Variants in UBE2H observed in about 807,000 individuals in gnomAD.
UBE2H encodes the protein ubiquitin-conjugating enzyme E2 H.
UBE2H carries 3 observed loss-of-function variants against 29.0 expected under a neutral mutation model. The observed-to-expected ratio is 0.10, with a 90% CI of 0.05 to 0.27. The LOEUF (loss-of-function observed/expected upper bound fraction) is 0.27. Ranked by LOEUF, UBE2H falls within the 10% of genes least tolerant of loss-of-function variation. UBE2H has a pLI of 1.00. For synonymous variants in UBE2H, 69 were observed against 82.9 expected (o/e 0.83, Z 0.91); for missense variants, 68 against 228.2 (o/e 0.30, Z 4.52).
intron 1 of UBE2H, among the ~76,000 whole-genome samples, chr7:129,884,294 G>A (rs1167552655): frequency 2.0e-5 from 3 of 150,024 alleles, no homozygotes; most frequent in Non-Finnish European, 1.5e-5. Context: ...GCGGGTGCCT[G>A]TAGTCCCAGC....
chr7:129,857,746 G>A (rs1805731856), intron 4 of UBE2H, among the ~76,000 whole-genome samples, 183 bp from the exon 5 acceptor site: 1 of 152,210 alleles, frequency 6.6e-6, no homozygotes, highest in Non-Finnish European at 1.5e-5. Flanking sequence ...TCACCTTACA[G>A]ACTGAAAGGG....
At chr7:129,894,907 C>T (rs773627860) in intron 1 of UBE2H, among the ~76,000 whole-genome samples, 3 of 152,100 alleles carry the variant, frequency 2.0e-5, no homozygotes, top group Non-Finnish European at 2.9e-5. Flanking sequence ...TTAAAATCTG[C>T]AAACTTGGAC....
chr7:129,907,932 T>C (rs949894896), intron 1 of UBE2H, among the ~76,000 whole-genome samples: 2 of 152,150 alleles, frequency 1.3e-5, no homozygotes, highest in Non-Finnish European at 1.5e-5. Flanking sequence ...ATTATACACA[T>C]TTTTTCCCAA....
At chr7:129,939,958 C>CAA (rs368470268) in intron 1 of UBE2H, among the ~76,000 whole-genome samples, 1 of 134,418 alleles carries the variant, frequency 7.4e-6, no homozygotes, top group African/African-American at 2.8e-5. Flanking sequence ...GACTCCATCT[C>CAA]AAAAAAAAAA....
chr7:129,944,752 GCA>G (rs1339923145), intron 1 of UBE2H, among the ~76,000 whole-genome samples: 1 of 80,434 alleles, frequency 1.2e-5, no homozygotes, highest in African/African-American at 3.5e-5. Context: ...ACACACACAC[GCA>G]CGCACGCACG....
intron 3 of UBE2H, among the ~76,000 whole-genome samples, chr7:129,875,380 A>T (rs529072389): frequency 6.6e-6 from 1 of 152,344 alleles, no homozygotes; most frequent in Admixed American, 6.5e-5. Flanking sequence ...TCACTTAGCT[A>T]CTTTATCACC....
intron 1 of UBE2H, among the ~76,000 whole-genome samples, chr7:129,918,588 C>T (rs996644600): frequency 6.6e-6 from 1 of 152,020 alleles, no homozygotes; most frequent in South Asian, 2.1e-4. Context: ...AAGTGCCCGG[C>T]CCCAAAATCC....
At chr7:129,927,045 T>C (rs906894892) in intron 1 of UBE2H, among the ~76,000 whole-genome samples, 1 of 152,208 alleles carries the variant, frequency 6.6e-6, no homozygotes, top group African/African-American at 2.4e-5. Flanking sequence ...CCTTCTCTGA[T>C]AGACTCAACT....
intron 1 of UBE2H, among the ~76,000 whole-genome samples, chr7:129,881,280 C>G (rs938533496): frequency 2.6e-5 from 4 of 152,144 alleles, no homozygotes; most frequent in Non-Finnish European, 5.9e-5. Context: ...GGGAAAACAG[C>G]ATTTCATAGG....
intron 1 of UBE2H, among the ~76,000 whole-genome samples, chr7:129,911,208 C>T (rs1806930030): frequency 6.7e-6 from 1 of 150,288 alleles, no homozygotes; most frequent in Non-Finnish European, 1.5e-5. Flanking sequence ...ACTAAAAATA[C>T]AAAAAAAAAG....
chr7:129,877,777 A>G (rs1428652556), intron 3 of UBE2H, among the ~76,000 whole-genome samples: 1 of 151,110 alleles, frequency 6.6e-6, no homozygotes, highest in East Asian at 2.0e-4. Context: ...AGACATTATT[A>G]CCTAGAAAGT....
chr7:129,844,691 C>T (rs1171821034), intron 5 of UBE2H, among the ~76,000 whole-genome samples: 1 of 152,168 alleles, frequency 6.6e-6, no homozygotes, highest in Non-Finnish European at 1.5e-5. Context: ...TTATGATGAG[C>T]AAACAGCTCT....
intron 5 of UBE2H, chr7:129,856,851 T>C (rs890935005): frequency 2.0e-5 from 3 of 152,132 alleles, no homozygotes; most frequent in African/African-American, 4.8e-5. Flanking sequence ...CTGCAGGTGG[T>C]CTGGGAACTG....
intron 1 of UBE2H, among the ~76,000 whole-genome samples, chr7:129,890,681 A>G (rs1263245218): frequency 6.6e-6 from 1 of 152,082 alleles, no homozygotes; most frequent in Non-Finnish European, 1.5e-5. Flanking sequence ...CAACGGTGAT[A>G]CTATTAATGG....
intron 1 of UBE2H, among the ~76,000 whole-genome samples, chr7:129,910,712 T>C (rs1285098921): frequency 1.3e-5 from 2 of 152,018 alleles, no homozygotes; most frequent in African/African-American, 4.8e-5. Context: ...TGAAACCCCG[T>C]CTCTACTAAA....
chr7:129,838,512 A>G (rs1432521069), intron 6 of UBE2H, among the ~76,000 whole-genome samples: 1 of 152,232 alleles, frequency 6.6e-6, no homozygotes, highest in Non-Finnish European at 1.5e-5. Context: ...AGCAGCAGGT[A>G]TATTTCACAA....
At chr7:129,911,039 G>A (rs184629398) in intron 1 of UBE2H, among the ~76,000 whole-genome samples, 79 of 151,954 alleles carry the variant, frequency 5.2e-4, no homozygotes, top group East Asian at 1.2e-3. Context: ...AGTGGTGGTC[G>A]CAATGGAGGG....
chr7:129,907,174 C>T (rs1013918932), intron 1 of UBE2H, among the ~76,000 whole-genome samples: 1 of 151,818 alleles, frequency 6.6e-6, no homozygotes, highest in South Asian at 2.1e-4. Flanking sequence ...CTCCGTTGTA[C>T]GTTTCCTACC....
intron 3 of UBE2H, among the ~76,000 whole-genome samples, chr7:129,866,481 T>C (rs2116335267): frequency 6.6e-6 from 1 of 152,304 alleles, no homozygotes; most frequent in South Asian, 2.1e-4. Context: ...GTCGTTCATA[T>C]AACCACACTG....
Sources: gnomAD v4.1 joint callset for allele counts (sites outside exome capture counted in the v4.1 genomes callset) on GRCh38, gnomAD v4.1.1 for gene constraint, MANE v1.5 for transcripts, NCBI Gene and HGNC (gene_info 2026-07-23, HGNC 2026-07-21) for gene names.